Variants in L3MBTL4 observed in about 807,000 individuals in gnomAD.
The protein encoded by L3MBTL4 is L3MBTL histone methyl-lysine binding protein 4, also known as lethal(3)malignant brain tumor-like protein 4.
A neutral mutation model predicts 84.5 loss-of-function variants in L3MBTL4; 70 were observed. That is an observed-to-expected ratio of 0.83 (90% CI 0.68 to 1.01). The LOEUF is 1.01. Ranked by LOEUF, L3MBTL4 falls within the 50% of genes least tolerant of loss-of-function variation. The pLI is 0.00. For synonymous variants in L3MBTL4, 274 were observed against 259.8 expected (o/e 1.05, Z -0.52); for missense variants, 715 against 754.8 (o/e 0.95, Z 0.62).
intron 3 of L3MBTL4, among the ~76,000 whole-genome samples, chr18:6,303,875 G>A (rs964883288): frequency 5.9e-5 from 9 of 151,954 alleles, no homozygotes; most frequent in African/African-American, 1.4e-4. Flanking sequence ...TTAGCCGGGC[G>A]TAGTGGCGGG....
intron 16 of L3MBTL4, among the ~76,000 whole-genome samples, chr18:5,998,017 G>A (rs1340255866): frequency 6.6e-6 from 1 of 152,132 alleles, no homozygotes; most frequent in African/African-American, 2.4e-5. Flanking sequence ...TTAAAATAAA[G>A]AATTTAGCCT....
At chr18:6,309,577 G>C (rs966099184) in intron 3 of L3MBTL4, among the ~76,000 whole-genome samples, 1 of 152,166 alleles carries the variant, frequency 6.6e-6, no homozygotes, top group Non-Finnish European at 1.5e-5. Flanking sequence ...TGCACTAAAA[G>C]CATATCTAAG....
chr18:5,988,251 T>G (rs572243712), intron 16 of L3MBTL4, among the ~76,000 whole-genome samples: 1 of 152,336 alleles, frequency 6.6e-6, no homozygotes, highest in Admixed American at 6.5e-5. Flanking sequence ...TTCTATGTCA[T>G]ACACAGCTAA....
chr18:6,265,024 A>C (rs570840980), intron 4 of L3MBTL4, among the ~76,000 whole-genome samples: 28 of 152,372 alleles, frequency 1.8e-4, no homozygotes, highest in Non-Finnish European at 2.8e-4. Context: ...AACTGTCTAA[A>C]GGCAGAGAAG....
chr18:6,042,104 C>T (rs1367327637), intron 16 of L3MBTL4, among the ~76,000 whole-genome samples: 1 of 152,164 alleles, frequency 6.6e-6, no homozygotes, highest in Non-Finnish European at 1.5e-5. Context: ...AAGCCCTCCC[C>T]ACAGAGGATG....
intron 12 of L3MBTL4, among the ~76,000 whole-genome samples, chr18:6,196,254 T>C (rs1199609690): frequency 1.3e-5 from 2 of 148,954 alleles, no homozygotes. Context: ...ACCTCCCGGG[T>C]TCACGCCATT....
intron 1 of L3MBTL4, among the ~76,000 whole-genome samples, chr18:6,402,731 C>G (rs1177326719): frequency 6.6e-6 from 1 of 152,132 alleles, no homozygotes; most frequent in African/African-American, 2.4e-5. Flanking sequence ...TTCATATTTT[C>G]ATTTCAAGGC....
intron 10 of L3MBTL4, among the ~76,000 whole-genome samples, chr18:6,225,604 A>G (rs971296532): frequency 1.3e-5 from 2 of 152,126 alleles, no homozygotes; most frequent in South Asian, 4.1e-4. Context: ...TACCAAAAAT[A>G]CAAACATTAA....
chr18:6,106,573 G>A (rs2059016685), intron 14 of L3MBTL4, among the ~76,000 whole-genome samples: 1 of 152,146 alleles, frequency 6.6e-6, no homozygotes, highest in South Asian at 2.1e-4. Flanking sequence ...ATGGGGACAA[G>A]CTGTAATTTA....
At chr18:6,261,303 T>C (rs1351830313) in intron 5 of L3MBTL4, among the ~76,000 whole-genome samples, 1 of 152,240 alleles carries the variant, frequency 6.6e-6, no homozygotes, top group African/African-American at 2.4e-5. Flanking sequence ...AGATTATGAC[T>C]GGAGAGAAAG....
At chr18:6,039,867 T>C (rs1018082584) in intron 16 of L3MBTL4, among the ~76,000 whole-genome samples, 1 of 152,194 alleles carries the variant, frequency 6.6e-6, no homozygotes, top group Admixed American at 6.5e-5. Flanking sequence ...TAAGTAAAAG[T>C]ATCTGAAAAA....
intron 12 of L3MBTL4, among the ~76,000 whole-genome samples, chr18:6,211,763 C>T (rs2046115022): frequency 6.6e-6 from 1 of 151,948 alleles, no homozygotes; most frequent in Non-Finnish European, 1.5e-5. Context: ...ATTCTTCTGC[C>T]TCAGTCTCCC....
At chr18:6,236,570 T>C (rs1182821859) in intron 10 of L3MBTL4, among the ~76,000 whole-genome samples, 2 of 152,174 alleles carry the variant, frequency 1.3e-5, no homozygotes, top group Non-Finnish European at 2.9e-5. Flanking sequence ...AAGCATTCCA[T>C]GTCTCTAGGC....
chr18:6,073,106 T>C (rs574100977), intron 16 of L3MBTL4, among the ~76,000 whole-genome samples: 1 of 150,274 alleles, frequency 6.7e-6, no homozygotes, highest in South Asian at 2.1e-4. Context: ...AATTGGTCCA[T>C]TGTAAAGATA....
At chr18:5,978,006 T>G (rs1263184270) in intron 16 of L3MBTL4, among the ~76,000 whole-genome samples, 3 of 152,202 alleles carry the variant, frequency 2.0e-5, no homozygotes, top group Non-Finnish European at 4.4e-5. Context: ...CAGAGCTGCA[T>G]GGCAGAGCGT....
intron 14 of L3MBTL4, among the ~76,000 whole-genome samples, chr18:6,103,179 T>G (rs983659029): frequency 2.0e-5 from 3 of 152,212 alleles, no homozygotes; most frequent in African/African-American, 7.2e-5. Context: ...TTACCAAAAC[T>G]CTAACTACAC....
intron 16 of L3MBTL4, chr18:6,046,838 G>A: frequency 1.4e-6 from 1 of 715,806 alleles, no homozygotes; most frequent in Non-Finnish European, 2.5e-6. Flanking sequence ...ATCACATCTA[G>A]AGGAACTAGA....
At chr18:6,335,750 C>G (rs1018756728) in intron 1 of L3MBTL4, among the ~76,000 whole-genome samples, 1 of 152,186 alleles carries the variant, frequency 6.6e-6, no homozygotes, top group Non-Finnish European at 1.5e-5. Context: ...AAGCATTTGA[C>G]AATACCTCCT....
chr18:6,066,048 G>A (rs2057387649), intron 16 of L3MBTL4, among the ~76,000 whole-genome samples: 1 of 151,972 alleles, frequency 6.6e-6, no homozygotes, highest in African/African-American at 2.4e-5. Flanking sequence ...GCTTTGATAA[G>A]TTCTGTCATT....
Sources: gnomAD v4.1 joint callset for allele counts (sites outside exome capture counted in the v4.1 genomes callset) on GRCh38, gnomAD v4.1.1 for gene constraint, MANE v1.5 for transcripts, NCBI Gene and HGNC (gene_info 2026-07-23, HGNC 2026-07-21) for gene names.